The following KIF1A variants were observed in gnomAD, a reference collection of about 807,000 sequenced individuals.
The protein encoded by KIF1A is kinesin-like protein KIF1A.
In KIF1A, 46 loss-of-function variants were observed where a neutral mutation model predicts 227.3. That is an observed-to-expected ratio of 0.20 (90% CI 0.16 to 0.26). The LOEUF is 0.26. Among genes scored for constraint, KIF1A ranks in the 10% least tolerant of loss-of-function variants. The pLI, the probability that KIF1A is intolerant of heterozygous loss-of-function variation, is 1.00. For missense variants in KIF1A, 1,683 were observed against 2,485.9 expected (o/e 0.68, Z 6.87); for synonymous variants, 1,022 against 1,012.8 (o/e 1.01, Z -0.17).
At chr2:240,764,865 G>A (rs750195774) in intron 20 of KIF1A, among the ~76,000 whole-genome samples, 40 of 152,188 alleles carry the variant, frequency 2.6e-4, no homozygotes, top group Non-Finnish European at 4.6e-4. Context: ...GAAACCCAGC[G>A]GATGGAGTCC....
At position 240,781,829 on chromosome 2, in the gene KIF1A, C is replaced by G. The variant is rs541739105; in HGVS notation, c.882+761G>C. ...TCGCCACACCGTTCTCCACAGTTCCCCACTCAGTCCACACGCCTTCTCCCA... is the reference window on the plus strand; with the variant it reads ...TCGCCACACCGTTCTCCACAGTTCCGCACTCAGTCCACACGCCTTCTCCCA... On this transcript the variant is annotated intron_variant, in intron 10 of 48. Transcript: ENST00000498729. The G allele has an allele frequency of 1.4e-5, 14 of 985,382 alleles. No individual in the cohort carries two copies. In the Admixed American group the frequency reaches 6.8e-4, roughly 48 times the overall value. The allele number at this position is 985,382 out of a possible 1,614,324, so 61.0% of individuals were successfully genotyped here.
rs529995399 is a variant in KIF1A at position 240,758,104 on chromosome 2, G to A, written c.2582+256C>T. Among the ~76,000 whole-genome samples, 281 of 152,304 alleles carry A rather than the reference G, an allele frequency of 1.8e-3. 1 individual carries two copies. The highest frequency in any genetic ancestry group is 6.0e-3 in the African/African-American group (250 of 41,570). On this transcript the variant is annotated intron_variant, in intron 26 of 48. Coordinates refer to ENST00000498729, the MANE Select transcript of KIF1A (RefSeq NM_001244008.2). This position sits in a 1 kb window ranked among gnomAD's most constrained non-coding sequence, Gnocchi z 5.2. The stretch of plus-strand genomic sequence containing the variant: ...TACACATGGACCCATGGGTTCTGGC[G>A]GCTACAGCCCTGCAGTGGGTTTGGG...
At chr2:240,751,281 G>A (rs2049174121) in intron 27 of KIF1A, among the ~76,000 whole-genome samples, 1 of 152,158 alleles carries the variant, frequency 6.6e-6, no homozygotes, top group Admixed American at 6.5e-5. Flanking sequence ...GAGGACCCTG[G>A]AAGACCCCAC....
intron 10 of KIF1A, among the ~76,000 whole-genome samples, chr2:240,780,137 TC>T (rs1297430262): frequency 6.6e-6 from 1 of 151,536 alleles, no homozygotes; most frequent in Non-Finnish European, 1.5e-5. Context: ...TTTCCACAGA[TC>T]CCCCGAGTCC....
Position 240,792,567 on chromosome 2 carries a change from C to T in KIF1A, c.107-3255G>A, listed in dbSNP as rs749045072. Among the ~76,000 whole-genome samples the T allele has an allele frequency of 2.0e-5, 3 of 151,640 alleles. No individual in the cohort carries two copies. Among genetic ancestry groups the T allele is most frequent in the African/African-American group, 4.8e-5 (2 of 41,250 alleles). The stretch of plus-strand genomic sequence containing the variant: ...GTGGGGGGAGCTGGAAGAAGGGGGA[C>T]GGGAAAGGAATGGAATACAGCCGTT... On this transcript the variant is annotated intron_variant, in intron 2 of 48. Coordinates refer to ENST00000498729, the MANE Select transcript of KIF1A (RefSeq NM_001244008.2). This position sits in a 1 kb window ranked among gnomAD's most constrained non-coding sequence, Gnocchi z 4.5.
intron 10 of KIF1A, chr2:240,781,735 T>C: frequency 2.0e-6 from 2 of 983,840 alleles, no homozygotes; most frequent in Middle Eastern, 5.2e-4. Context: ...TCCTCTCCCG[T>C]TCCCACACAG....
In KIF1A at chr2:240,766,881, A is replaced by G. The variant is rs1292167909; in HGVS notation, c.1684+34T>C. The G allele has an allele frequency of 2.1e-6, 3 of 1,462,910 alleles. No individual in the cohort carries two copies. The highest frequency in any genetic ancestry group is 2.3e-5 in the East Asian group (1 of 42,654). 90.6% of individuals were successfully genotyped at this position (1,462,910 alleles called of 1,614,324 possible). A position where few individuals can be genotyped will look rare whatever the true frequency, so the allele number is the denominator to read the frequency against. ...GGCCTGATCATCACGGCACAGGGGC[A>G]TGGGTGCGGGTAGGGACGGTAGGGT... On this transcript the variant is annotated intron_variant, in intron 19 of 48. Coordinates refer to ENST00000498729, the MANE Select transcript of KIF1A (RefSeq NM_001244008.2). The surrounding 1 kb of genome is among the most constrained non-coding windows in gnomAD (Gnocchi z 5.0).
At chr2:240,799,361 G>C (rs2056744484) in intron 1 of KIF1A, among the ~76,000 whole-genome samples, 1 of 152,224 alleles carries the variant, frequency 6.6e-6, no homozygotes, top group African/African-American at 2.4e-5. Context: ...AGAACAGGCT[G>C]GATGTGGGGC....
In KIF1A at chr2:240,747,310, C is replaced by A. The variant is rs766900659; in HGVS notation, c.2989G>T (p.Ala997Ser). Residue 997 changes from alanine to serine, a missense_variant, in exon 29 of 49, where the codon GCC becomes TCC. Transcript: ENST00000498729. ...AVQAISADEEAPDYGSGVRQS... is the reference protein window; with the variant it reads ...AVQAISADEESPDYGSGVRQS... Reference sequence around the variant, plus strand: ...CGGACGCCAGAGCCATAATCAGGGGCCTCTTCATCGGCTGCAGGAGAAACA... The same window carrying A: ...CGGACGCCAGAGCCATAATCAGGGGACTCTTCATCGGCTGCAGGAGAAACA... 1 of 1,612,994 alleles carries A rather than the reference C, an allele frequency of 6.2e-7. No individual in the cohort carries two copies. Among genetic ancestry groups the A allele is most frequent in the Non-Finnish European group, 8.5e-7 (1 of 1,179,404 alleles).
chr2:240,720,160 G>A (rs987958326), intron 45 of KIF1A: 7 of 419,342 alleles, frequency 1.7e-5, no homozygotes, highest in African/African-American at 2.1e-5. Context: ...CAGGAACCTC[G>A]GGGCCCAGCC....
Position 240,757,700 on chromosome 2 carries a change from A to AACAC in KIF1A, c.2583-110_2583-107dup. The stretch of plus-strand genomic sequence containing the variant: ...GGGCTTCTGTTTAAAACCAAAACCA[A>AACAC]ACACACAGACCATCGAGAATGCTGC... On this transcript the variant is annotated intron_variant, in intron 26 of 48. Transcript: ENST00000498729. This position sits in a 1 kb window ranked among gnomAD's most constrained non-coding sequence, Gnocchi z 6.2. 1 of 1,037,050 alleles carries AACAC rather than the reference A, an allele frequency of 9.6e-7. No individual in the cohort carries two copies. Among genetic ancestry groups the AACAC allele is most frequent in the South Asian group, 1.6e-5 (1 of 60,856 alleles). 64.2% of individuals were successfully genotyped at this position (1,037,050 alleles called of 1,614,324 possible).
chr2:240,803,017 C>G (rs1372855741), intron 1 of KIF1A, among the ~76,000 whole-genome samples: 3 of 152,172 alleles, frequency 2.0e-5, no homozygotes, highest in Non-Finnish European at 4.4e-5. Context: ...AAATATCCAT[C>G]TTAAATTCAA....
chr2:240,738,367 G>A (rs1422891663), intron 37 of KIF1A, among the ~76,000 whole-genome samples: 3 of 152,266 alleles, frequency 2.0e-5, no homozygotes, highest in Non-Finnish European at 2.9e-5. Flanking sequence ...ATGGACACCC[G>A]GGGTCTCTCC....
chr2:240,780,830 C>CCACACACACACA (rs772178620), intron 10 of KIF1A, among the ~76,000 whole-genome samples: 1 of 10,070 alleles, frequency 9.9e-5, no homozygotes, highest in African/African-American at 6.1e-4. Flanking sequence ...ACACACAGCT[C>CCACACACACACA]CACACACACA....
intron 1 of KIF1A, among the ~76,000 whole-genome samples, chr2:240,807,861 G>A (rs115320422): frequency 0.041 from 6,285 of 152,208 alleles, 170 homozygotes; most frequent in Non-Finnish European, 0.06. Flanking sequence ...CTTGACATTA[G>A]GATAGCTATT....
At chr2:240,782,728 G>A in intron 9 of KIF1A, 121 bp from the exon 10 acceptor site, 3 of 1,069,158 alleles carry the variant, frequency 2.8e-6, no homozygotes, top group Non-Finnish European at 2.8e-6. Flanking sequence ...CTACCACCCC[G>A]TGGTCTCCTA....
At chr2:240,780,900 AGCTC>A (rs2053685905) in intron 10 of KIF1A, among the ~76,000 whole-genome samples, 6 of 89,854 alleles carry the variant, frequency 6.7e-5, no homozygotes, top group East Asian at 3.1e-4. Context: ...ACACACACAC[AGCTC>A]CACACACACA....
At chr2:240,773,563 C>G (rs1235045584) in intron 12 of KIF1A, among the ~76,000 whole-genome samples, 1 of 152,138 alleles carries the variant, frequency 6.6e-6, no homozygotes, top group Non-Finnish European at 1.5e-5. Context: ...CCCCAGTGGT[C>G]CCAGGGTAGA....
intron 38 of KIF1A, among the ~76,000 whole-genome samples, chr2:240,735,058 C>T (rs2047168939): frequency 6.6e-6 from 1 of 152,218 alleles, no homozygotes; most frequent in Non-Finnish European, 1.5e-5. Context: ...GGCCCACTGG[C>T]CTGGTCAGCC....
Sources: allele counts gnomAD v4.1 joint callset (sites outside exome capture counted in the v4.1 genomes callset), GRCh38; gene constraint gnomAD v4.1.1; non-coding constraint Gnocchi (gnomAD v3.1); transcripts MANE v1.5; gene names NCBI Gene and HGNC (gene_info 2026-07-23, HGNC 2026-07-21).